The following LAPTM4B variants were observed in gnomAD, a reference collection of about 807,000 sequenced individuals.
LAPTM4B encodes lysosomal protein transmembrane 4 beta.
In LAPTM4B, 26 loss-of-function variants were observed where a neutral mutation model predicts 28.5. That is an observed-to-expected ratio of 0.91 (90% CI 0.67 to 1.27). The LOEUF (loss-of-function observed/expected upper bound fraction) is 1.27. LAPTM4B is among the 50% of genes most tolerant of loss of function. The probability of loss-of-function intolerance (pLI) is 0.00; values close to 1 mark genes in which losing one functional copy is unlikely to be tolerated. For synonymous variants in LAPTM4B, 109 were observed against 106.4 expected (o/e 1.02, Z -0.15); for missense variants, 288 against 285.8 (o/e 1.01, Z -0.06).
rs547763116 is a variant in LAPTM4B at position 97,852,999 on chromosome 8, A to G, written c.*1525A>G. The G allele has an allele frequency of 2.6e-5, 21 of 796,824 alleles. No individual in the cohort carries two copies. In the African/African-American group the frequency reaches 3.6e-4, roughly 14 times the overall value. The allele number at this position is 796,824 out of a possible 1,614,324, so 49.4% of individuals were successfully genotyped here. On this transcript the variant is annotated 3_prime_UTR_variant, in exon 7 of 7. Transcript: ENST00000521545. Reference sequence around the variant, plus strand: ...TAGCCGGCATACAAATGTTATCTACAGTGTATTTTTAGATTTTTTATACTT... The same window carrying G: ...TAGCCGGCATACAAATGTTATCTACGGTGTATTTTTAGATTTTTTATACTT...
rs917774314 is a variant in LAPTM4B, at chr8:97,852,889, A to C, written c.*1415A>C. 7.5e-6 allele frequency: 3 copies of C among 400,036 alleles called. No homozygotes were observed. Among genetic ancestry groups the C allele is most frequent in the Non-Finnish European group, 1.3e-5 (3 of 224,072 alleles). The allele number at this position is 400,036 out of a possible 1,614,324, so 24.8% of individuals were successfully genotyped here. On this transcript the variant is annotated 3_prime_UTR_variant, in exon 7 of 7. Coordinates refer to ENST00000521545, the MANE Select transcript of LAPTM4B (RefSeq NM_018407.6). ...GCTCAAGTAATTACTATGAAATAACAATTTCTAGAAATGAAGAACAATCCG... is the reference window on the plus strand; with the variant it reads ...GCTCAAGTAATTACTATGAAATAACCATTTCTAGAAATGAAGAACAATCCG...
intron 5 of LAPTM4B, among the ~76,000 whole-genome samples, chr8:97,819,444 A>G (rs1380250569): frequency 2.0e-5 from 3 of 152,204 alleles, no homozygotes; most frequent in African/African-American, 7.2e-5. Flanking sequence ...AGTCCAAAAT[A>G]TATTTGGACA....
chr8:97,798,926 C>T (rs565323893), intron 1 of LAPTM4B, among the ~76,000 whole-genome samples: 1 of 152,330 alleles, frequency 6.6e-6, no homozygotes, highest in South Asian at 2.1e-4. Flanking sequence ...TATCTAAAAT[C>T]GACGTCGTCA....
intron 6 of LAPTM4B, among the ~76,000 whole-genome samples, chr8:97,850,066 C>T (rs1249568418): frequency 6.6e-6 from 1 of 151,916 alleles, no homozygotes; most frequent in Non-Finnish European, 1.5e-5. Context: ...TGTCTCAGCC[C>T]AGCCTTGGGG....
chr8:97,823,630 C>T (rs1009913033), intron 5 of LAPTM4B, among the ~76,000 whole-genome samples: 7 of 151,726 alleles, frequency 4.6e-5, no homozygotes, highest in African/African-American at 1.7e-4. Flanking sequence ...CCACCTCGGC[C>T]TCCCAAAGTG....
At chr8:97,776,886 T>G (rs6992167) in intron 1 of LAPTM4B, among the ~76,000 whole-genome samples, 3,475 of 152,196 alleles carry the variant, frequency 0.023, 95 homozygotes, top group East Asian at 0.11. Flanking sequence ...TTGAAGTCTT[T>G]TTTTGTATGA....
At chr8:97,821,485 G>A (rs940447669) in intron 5 of LAPTM4B, among the ~76,000 whole-genome samples, 1 of 152,042 alleles carries the variant, frequency 6.6e-6, no homozygotes, top group African/African-American at 2.4e-5. Flanking sequence ...TGAGCTCTGG[G>A]AGTCCACACT....
rs1460449296 is a variant in LAPTM4B at position 97,775,945 on chromosome 8, T to G, written c.-65T>G. On this transcript the variant is annotated 5_prime_UTR_variant, in exon 1 of 7. Transcript: ENST00000521545. ...AGCCGGCAGCAGCGGCGCGGCGGGC[T>G]CCAGGCGAGGCGGTCGACGCTCCTG... 2.5e-5 allele frequency: 38 copies of G among 1,493,204 alleles called. No individual in the cohort carries two copies. The highest frequency in any genetic ancestry group is 3.2e-5 in the Non-Finnish European group (36 of 1,130,804). 92.5% of individuals were successfully genotyped at this position (1,493,204 alleles called of 1,614,324 possible).
intron 6 of LAPTM4B, among the ~76,000 whole-genome samples, chr8:97,830,824 G>C (rs916150692): frequency 1.3e-5 from 2 of 152,124 alleles, no homozygotes; most frequent in Non-Finnish European, 1.5e-5. Flanking sequence ...TCTTTATATG[G>C]CTGGGTATCT....
At chr8:97,828,447 G>A (rs1473661706) in intron 6 of LAPTM4B, among the ~76,000 whole-genome samples, 1 of 152,170 alleles carries the variant, frequency 6.6e-6, no homozygotes, top group Non-Finnish European at 1.5e-5. Flanking sequence ...ATAAGAGAAG[G>A]AGAAGGATGA....
chr8:97,792,804 C>G (rs1449792878), intron 1 of LAPTM4B, among the ~76,000 whole-genome samples: 1 of 152,104 alleles, frequency 6.6e-6, no homozygotes, highest in East Asian at 1.9e-4. Context: ...TTTCGAACTC[C>G]TGACCTCAAG....
chr8:97,802,785 A>G (rs1816703998), intron 1 of LAPTM4B, among the ~76,000 whole-genome samples: 1 of 152,068 alleles, frequency 6.6e-6, no homozygotes. Context: ...ACATGCTTGT[A>G]GTATCTGTTT....
chr8:97,838,071 G>T (rs1441886827), intron 6 of LAPTM4B, among the ~76,000 whole-genome samples: 1 of 152,200 alleles, frequency 6.6e-6, no homozygotes, highest in Non-Finnish European at 1.5e-5. Context: ...AGGGTTAGAG[G>T]CAGTGAAGGT....
intron 6 of LAPTM4B, among the ~76,000 whole-genome samples, chr8:97,847,158 C>A (rs1447258504): frequency 1.3e-5 from 2 of 152,162 alleles, no homozygotes; most frequent in Non-Finnish European, 2.9e-5. Context: ...CTTCTGAGGT[C>A]ATTAGCAAGA....
intron 2 of LAPTM4B, among the ~76,000 whole-genome samples, chr8:97,805,874 G>A (rs1816750427): frequency 6.6e-6 from 1 of 152,108 alleles, no homozygotes; most frequent in African/African-American, 2.4e-5. Context: ...ATTATTTGGG[G>A]GAATTTAGGG....
At position 97,852,511 on chromosome 8, in the gene LAPTM4B, T is replaced by TA. The variant is rs1172022721; in HGVS notation, c.*1038dup. 1.3e-5 allele frequency: 2 copies of TA among 152,300 alleles called. No homozygotes were observed. Among genetic ancestry groups the TA allele is most frequent in the African/African-American group, 2.4e-5 (1 of 41,434 alleles). 9.4% of individuals were successfully genotyped at this position (152,300 alleles called of 1,614,324 possible). On this transcript the variant is annotated 3_prime_UTR_variant, in exon 7 of 7. Transcript: ENST00000521545. ...AAGGGATTTTTATATATTCATATGT[T>TA]ACAAAGTCAGCAACTCTCCTGTTGG...
At chr8:97,798,008 A>G (rs1314185813) in intron 1 of LAPTM4B, among the ~76,000 whole-genome samples, 3 of 123,982 alleles carry the variant, frequency 2.4e-5, no homozygotes, top group Non-Finnish European at 5.2e-5. Context: ...ATAAGTGAGC[A>G]TTAGCTGAAT....
intron 6 of LAPTM4B, among the ~76,000 whole-genome samples, chr8:97,831,444 G>C (rs144340397): frequency 6.6e-6 from 1 of 152,162 alleles, no homozygotes. Context: ...GGAAAGGGAG[G>C]GGATTTTAGG....
chr8:97,829,264 A>G (rs918397288), intron 6 of LAPTM4B, among the ~76,000 whole-genome samples: 3 of 152,216 alleles, frequency 2.0e-5, no homozygotes, highest in Non-Finnish European at 2.9e-5. Flanking sequence ...AAGACTAGGT[A>G]TAAGCAGGCA....
Sources: gnomAD v4.1 joint callset for allele counts (sites outside exome capture counted in the v4.1 genomes callset) on GRCh38, gnomAD v4.1.1 for gene constraint, MANE v1.5 for transcripts, NCBI Gene and HGNC (gene_info 2026-07-23, HGNC 2026-07-21) for gene names.